The following RANBP2 variants were observed in gnomAD, a reference collection of about 807,000 sequenced individuals.
RANBP2 encodes the protein RAN binding protein 2.
A neutral mutation model predicts 303.6 loss-of-function variants in RANBP2; 57 were observed. The observed-to-expected ratio is 0.19, with a 90% CI of 0.15 to 0.23. The LOEUF is 0.23. Ranked by LOEUF, RANBP2 falls within the 10% of genes least tolerant of loss-of-function variation. The pLI is 1.00. For missense variants in RANBP2, 3,138 were observed against 3,780.8 expected, an observed-to-expected ratio of 0.83 and a Z score of 4.46; for synonymous variants, 1,167 against 1,301.5, an observed-to-expected ratio of 0.90 and a Z score of 2.23.
chr2:109,178,768 G>T, the RANBP2 span, among the ~76,000 whole-genome samples: 2 of 152,204 alleles, frequency 1.3e-5, no homozygotes, highest in South Asian at 4.1e-4. Flanking sequence ...CTGCTTATTA[G>T]ATTTCGTAGG....
rs1676883790 is a variant in RANBP2 at position 108,763,430 on chromosome 2, A to G, written c.2891A>G (p.Tyr964Cys). The G allele has an allele frequency of 6.2e-7, 1 of 1,614,060 alleles. No individual in the cohort carries two copies. The highest frequency in any genetic ancestry group is 1.1e-5 in the South Asian group (1 of 91,082). ...LSPRGDDYFN[Y>C]NVQQTSTNPP... ...CCCAGGGGTGATGATTACTTTAATT[A>G]CAATGTTCAACAGACAAGCACAAAT... The change falls in exon 20 of 29, where the codon TAC (tyrosine) becomes TGC (cysteine). Residue 964 changes from tyrosine (Y) to cysteine (C), a missense_variant. Physicochemically the swap from Tyr to Cys is radical, Grantham distance 194. Around this residue, in one of 20 missense-constraint regions of RANBP2, gnomAD observed 403 missense variants for 376.7 expected, o/e 1.07. Transcript: ENST00000283195.
At chr2:108,756,955 C>A (rs1303822242) in intron 17 of RANBP2, among the ~76,000 whole-genome samples, 1 of 152,148 alleles carries the variant, frequency 6.6e-6, no homozygotes, top group African/African-American at 2.4e-5. Flanking sequence ...GGACTAGGCA[C>A]TGTAGATGGA....
At chr2:109,266,288 T>A in the RANBP2 span, among the ~76,000 whole-genome samples, 1 of 148,848 alleles carries the variant, frequency 6.7e-6, no homozygotes, top group Admixed American at 6.6e-5. Flanking sequence ...TGCATGTTTG[T>A]GTTGTGTGTA....
At chr2:109,284,971 A>C in the RANBP2 span, among the ~76,000 whole-genome samples, 1 of 152,222 alleles carries the variant, frequency 6.6e-6, no homozygotes, top group Admixed American at 6.5e-5. Context: ...GTGCCATCAG[A>C]AGTGAAGTCA....
At chr2:108,826,202 A>G in the RANBP2 span, among the ~76,000 whole-genome samples, 1 of 152,158 alleles carries the variant, frequency 6.6e-6, no homozygotes, top group Non-Finnish European at 1.5e-5. Context: ...TTCTCCATTC[A>G]GTAGTTGTCT....
chr2:109,566,809 T>G, the RANBP2 span, among the ~76,000 whole-genome samples: 1 of 152,068 alleles, frequency 6.6e-6, no homozygotes, highest in African/African-American at 2.4e-5. Context: ...GGGCAGGGAG[T>G]AGACTGGTCT....
the RANBP2 span, among the ~76,000 whole-genome samples, chr2:109,641,076 C>T: frequency 9.2e-5 from 14 of 152,118 alleles, no homozygotes; most frequent in African/African-American, 3.4e-4. Context: ...TGAGTATATA[C>T]CAAAATAATT....
At chr2:109,426,773 TGAAA>T in the RANBP2 span, among the ~76,000 whole-genome samples, 3 of 152,162 alleles carry the variant, frequency 2.0e-5, no homozygotes, top group East Asian at 3.9e-4. Context: ...AAATCTATCA[TGAAA>T]GAAAGAGTCA....
At chr2:109,655,646 G>A in the RANBP2 span, among the ~76,000 whole-genome samples, 5 of 131,564 alleles carry the variant, frequency 3.8e-5, no homozygotes, top group African/African-American at 9.0e-5. Context: ...TTATTTTAAA[G>A]CAGAAACAAA....
chr2:109,584,288 C>A, the RANBP2 span, among the ~76,000 whole-genome samples: 1 of 51,148 alleles, frequency 2.0e-5, no homozygotes, highest in Admixed American at 2.3e-4. Context: ...ACCAGCCTGG[C>A]CAACAAGGTG....
At chr2:108,901,258 T>A in the RANBP2 span, among the ~76,000 whole-genome samples, 4 of 152,044 alleles carry the variant, frequency 2.6e-5, no homozygotes, top group Non-Finnish European at 5.9e-5. Flanking sequence ...AAAGAGGAAG[T>A]CTCAAAGACA....
the RANBP2 span, among the ~76,000 whole-genome samples, chr2:109,430,608 T>TA: frequency 6.6e-6 from 1 of 151,848 alleles, no homozygotes; most frequent in Non-Finnish European, 1.5e-5. Flanking sequence ...CCCTGCACAA[T>TA]ACACAGGTAC....
downstream of RANBP2, among the ~76,000 whole-genome samples, chr2:108,789,914 C>T (rs1027115202): frequency 1.3e-5 from 2 of 152,100 alleles, no homozygotes; most frequent in Admixed American, 6.5e-5. Context: ...CTATGGGTAT[C>T]AAGAAGGAGT....
the RANBP2 span, among the ~76,000 whole-genome samples, chr2:109,374,442 A>C: frequency 6.6e-6 from 1 of 152,168 alleles, no homozygotes; most frequent in Non-Finnish European, 1.5e-5. Flanking sequence ...CACCACATGG[A>C]TCCTGGTGGA....
chr2:108,782,020 C>T (rs1010423278), intron 26 of RANBP2, 108 bp from the exon 27 acceptor site: 2 of 1,282,954 alleles, frequency 1.6e-6, no homozygotes, highest in African/African-American at 1.5e-5. Flanking sequence ...TTAACAAATT[C>T]TCTTTGTCAT....
the RANBP2 span, among the ~76,000 whole-genome samples, chr2:109,012,533 T>C: frequency 6.6e-6 from 1 of 152,174 alleles, no homozygotes; most frequent in Non-Finnish European, 1.5e-5. Context: ...CCTCCGGCAC[T>C]TCACAGAATG....
the RANBP2 span, among the ~76,000 whole-genome samples, chr2:109,396,128 A>G: frequency 5.9e-5 from 9 of 152,144 alleles, no homozygotes; most frequent in African/African-American, 1.4e-4. Context: ...GTCTTCCTCT[A>G]TACCCTGTCA....
the RANBP2 span, among the ~76,000 whole-genome samples, chr2:109,113,955 T>C: frequency 6.6e-6 from 1 of 152,270 alleles, no homozygotes; most frequent in Non-Finnish European, 1.5e-5. Context: ...TTGCATATAT[T>C]GAACCAGCCT....
At chr2:109,493,987 C>T in the RANBP2 span, among the ~76,000 whole-genome samples, 4 of 152,234 alleles carry the variant, frequency 2.6e-5, no homozygotes, top group Admixed American at 2.6e-4. Context: ...CCAACACCTG[C>T]TGCCTGTGTT....
Sources: allele counts gnomAD v4.1 joint callset (sites outside exome capture counted in the v4.1 genomes callset), GRCh38; gene constraint gnomAD v4.1.1; regional missense constraint gnomAD v4.1.1; transcripts MANE v1.5; gene names NCBI Gene and HGNC (gene_info 2026-07-23, HGNC 2026-07-21).